Variants in LGALS4 observed in about 807,000 individuals in gnomAD.
LGALS4 encodes the protein galectin 4.
Under a neutral mutation model 39.6 loss-of-function variants are expected in LGALS4, and 37 were observed. That is an observed-to-expected ratio of 0.93 (90% CI 0.72 to 1.23). The LOEUF (loss-of-function observed/expected upper bound fraction) is 1.23. Among genes scored for constraint, LGALS4 ranks in the 50% most tolerant of loss-of-function variants. The pLI is 0.00. For missense variants in LGALS4, 397 were observed against 433.2 expected (o/e 0.92, Z 0.74); for synonymous variants, 160 against 165.5 (o/e 0.97, Z 0.25).
chr19:38,809,037 C>T, intron 2 of LGALS4, 89 bp from the exon 3 acceptor site: 1 of 1,136,886 alleles, frequency 8.8e-7, no homozygotes, highest in East Asian at 2.6e-5. Flanking sequence ...GCCGCCCTGT[C>T]CTCGGCCTCC....
rs1269383741 is a variant in LGALS4 at position 38,805,342 on chromosome 19, C to A, written c.474+1119G>T. 2.0e-5 allele frequency among the ~76,000 whole-genome samples: 3 copies of A among 152,112 alleles called. No individual in the cohort carries two copies. In the East Asian group the frequency reaches 5.8e-4, roughly 29 times the overall value. Reference sequence around the variant, plus strand: ...CTTTCTGACTCACCTTACACACTTCCTCCTACTCCAGGAAGCACTTCCTTC... The same window carrying A: ...CTTTCTGACTCACCTTACACACTTCATCCTACTCCAGGAAGCACTTCCTTC... On this transcript the variant is annotated intron_variant, in intron 4 of 9. Coordinates refer to ENST00000307751, the MANE Select transcript of LGALS4 (RefSeq NM_006149.4).
chr19:38,812,055 A>G (rs540106642), intron 2 of LGALS4, among the ~76,000 whole-genome samples: 1 of 152,222 alleles, frequency 6.6e-6, no homozygotes, highest in East Asian at 1.9e-4. Flanking sequence ...CAGAAAAGAA[A>G]AGAAAATGAA....
In LGALS4 at chr19:38,812,942, T is replaced by C; in HGVS notation, c.-56A>G. On this transcript the variant is annotated 5_prime_UTR_variant, in exon 1 of 10. Transcript: ENST00000307751. The stretch of plus-strand genomic sequence containing the variant: ...TGAGAAGAGCTGCAGGAGTGGGAGA[T>C]GGTGGCGGATGGCAGGCGGTGGTGG... 1 of 1,537,700 alleles carries C rather than the reference T, an allele frequency of 6.5e-7. No individual in the cohort carries two copies. The highest frequency in any genetic ancestry group is 1.1e-5 in the South Asian group (1 of 89,554).
chr19:38,802,772 G>A (rs1203525941), intron 7 of LGALS4, among the ~76,000 whole-genome samples: 1 of 152,034 alleles, frequency 6.6e-6, no homozygotes, highest in African/African-American at 2.4e-5. Flanking sequence ...CTGCCTCCTA[G>A]GTTCAAGCAA....
At chr19:38,810,028 T>C (rs1458551763) in intron 2 of LGALS4, among the ~76,000 whole-genome samples, 1 of 152,216 alleles carries the variant, frequency 6.6e-6, no homozygotes, top group Admixed American at 6.5e-5. Flanking sequence ...GACAGGCCTG[T>C]CTCAGGGCCT....
intron 2 of LGALS4, among the ~76,000 whole-genome samples, chr19:38,810,899 C>CT (rs59517682): frequency 0.13 from 16,703 of 124,986 alleles, 1,567 homozygotes; most frequent in East Asian, 0.24. Flanking sequence ...ACATATTTGA[C>CT]TTTTTTTTTT....
chr19:38,810,423 C>T (rs541209639), intron 2 of LGALS4, among the ~76,000 whole-genome samples: 6 of 130,662 alleles, frequency 4.6e-5, no homozygotes, highest in Admixed American at 9.3e-5. Flanking sequence ...AGTGCAGTGG[C>T]GCAATCTTGG....
At chr19:38,805,223 T>C (rs4575642) in intron 4 of LGALS4, among the ~76,000 whole-genome samples, 14,944 of 149,654 alleles carry the variant, frequency 0.1, 880 homozygotes, top group African/African-American at 0.16. Context: ...ATAAACTCAA[T>C]TTAATTGTAT....
chr19:38,811,475 AAAT>A (rs200108068), intron 2 of LGALS4, among the ~76,000 whole-genome samples: 2,217 of 151,150 alleles, frequency 0.015, 54 homozygotes, highest in African/African-American at 0.049. Flanking sequence ...TCTACAAAAC[AAAT>A]AATAATAATA....
chr19:38,812,387 T>A, intron 2 of LGALS4, 44 bp downstream of exon 2: 1 of 1,566,770 alleles, frequency 6.4e-7, no homozygotes, highest in Non-Finnish European at 8.8e-7. Context: ...AGCACCCAGT[T>A]GGAAGTCCCC....
Position 38,808,953 on chromosome 19 carries a change from C to A in LGALS4, c.135-5G>T, listed in dbSNP as rs199571531. 1.3e-6 allele frequency: 2 copies of A among 1,598,298 alleles called. No homozygotes were observed. Among genetic ancestry groups the A allele is most frequent in the Non-Finnish European group, 8.5e-7 (1 of 1,171,956 alleles). ...ACCACAAAGTTCACGAAGAACCTGG[C>A]GGGACACAAAGGGCTCATTCCCCTG... is the stretch of plus-strand genomic sequence containing the variant. On this transcript the variant is annotated splice_region_variant and splice_polypyrimidine_tract_variant and intron_variant, in intron 2 of 9. Transcript: ENST00000307751.
In LGALS4 at chr19:38,808,876, G is replaced by A. The variant is rs558923004; in HGVS notation, c.207C>T (p.Asp69=). The change falls in exon 3 of 10, where the codon GAC becomes GAT. Residue 69 remains aspartate (D), a synonymous_variant. Coordinates refer to ENST00000307751, the MANE Select transcript of LGALS4 (RefSeq NM_006149.4). The part of the protein sequence containing the change: ...DVAFHFNPRF[D]GWDKVVFNTL... ...TGTTGAAGACCACCTTGTCCCAGCC[G>A]TCAAACCGCGGATTGAAGTGGAAGG... 8.1e-6 allele frequency: 13 copies of A among 1,614,094 alleles called. No homozygotes were observed. The East Asian group carries it at 8.9e-5, about 11-fold the overall frequency.
rs1251246197 is a variant in LGALS4, at chr19:38,812,879, T to C, written c.8A>G (p.Tyr3Cys). 6.2e-7 allele frequency: 1 copy of C among 1,612,038 alleles called. No individual in the cohort carries two copies. The highest frequency in any genetic ancestry group is 1.7e-5 in the Admixed American group (1 of 60,006). ...GGGCTGGTAGCCCGGTGCGGGGACA[T>C]AGGCCATCGCTCGAGGCTGCGCTAG... MA[Y>C]VPAPGYQPTY... The change falls in exon 1 of 10, where the codon TAT becomes TGT. Residue 3 changes from tyrosine (Y) to cysteine (C), a missense_variant. Coordinates refer to ENST00000307751, the MANE Select transcript of LGALS4 (RefSeq NM_006149.4).
In LGALS4 at chr19:38,808,977, T is replaced by A. The variant is rs773331300; in HGVS notation, c.135-29A>T. 7.1e-6 allele frequency: 11 copies of A among 1,557,920 alleles called. No homozygotes were observed. In the Admixed American group the frequency reaches 1.5e-4, roughly 21 times the overall value. On this transcript the variant is annotated intron_variant, in intron 2 of 9. Coordinates refer to ENST00000307751, the MANE Select transcript of LGALS4 (RefSeq NM_006149.4). ...GCGGGACACAAAGGGCTCATTCCCC[T>A]GGTGCCACCTCCCGGGGCCTGGGGG...
At chr19:38,805,330 C>G (rs1294142012) in intron 4 of LGALS4, among the ~76,000 whole-genome samples, 1 of 151,950 alleles carries the variant, frequency 6.6e-6, no homozygotes, top group Non-Finnish European at 1.5e-5. Flanking sequence ...TCTGACTCAC[C>G]TTACACACTT....
Position 38,808,902 on chromosome 19 carries a change from C to G in LGALS4, c.181G>C (p.Ala61Pro). 1 of 1,614,076 alleles carries G rather than the reference C, an allele frequency of 6.2e-7. No individual in the cohort carries two copies. The change falls in exon 3 of 10, where the codon GCC becomes CCC. Residue 61 changes from alanine (A) to proline (P), a missense_variant. Transcript: ENST00000307751. ...VVGQDPGSDV[A>P]FHFNPRFDGW... ...TCAAACCGCGGATTGAAGTGGAAGG[C>G]GACGTCTGAGCCCGGATCCTGCCCA... is the stretch of plus-strand genomic sequence containing the variant.
intron 7 of LGALS4, chr19:38,802,992 TTTTTC>T (rs142906312): frequency 0.087 from 11,836 of 136,718 alleles, 1,062 homozygotes; most frequent in African/African-American, 0.22. Flanking sequence ...ATAAATTTTC[TTTTTC>T]TTTTCTTTTT....
At chr19:38,802,493 C>G in intron 7 of LGALS4, 89 bp from the exon 8 acceptor site, 1 of 1,031,510 alleles carries the variant, frequency 9.7e-7, no homozygotes, top group Non-Finnish European at 1.5e-6. Context: ...TCTTTTCTTT[C>G]CTGTCTTTTT....
chr19:38,810,874 A>G (rs1329708594), intron 2 of LGALS4, among the ~76,000 whole-genome samples: 1 of 147,680 alleles, frequency 6.8e-6, no homozygotes, highest in Non-Finnish European at 1.5e-5. Flanking sequence ...AGCACTTAAT[A>G]TCATCTGACA....
Sources: gnomAD v4.1 joint callset for allele counts (sites outside exome capture counted in the v4.1 genomes callset) on GRCh38, gnomAD v4.1.1 for gene constraint, MANE v1.5 for transcripts, NCBI Gene and HGNC (gene_info 2026-07-23, HGNC 2026-07-21) for gene names.